Variants in PDSS2 observed in about 807,000 individuals in gnomAD.
PDSS2 encodes all trans-polyprenyl-diphosphate synthase PDSS2.
A neutral mutation model predicts 44.5 loss-of-function variants in PDSS2; 31 were observed. The ratio of observed to expected loss-of-function variants is 0.70; its 90% CI spans 0.52 to 0.94. The LOEUF is 0.94. Ranked by LOEUF, PDSS2 falls within the 40% of genes least tolerant of loss-of-function variation. The probability of loss-of-function intolerance (pLI) is 0.00; values close to 1 mark genes in which losing one functional copy is unlikely to be tolerated. For synonymous variants in PDSS2, 157 were observed against 180.3 expected (o/e 0.87, Z 1.03); for missense variants, 452 against 482.2 (o/e 0.94, Z 0.59).
chr6:107,357,168 A>G (rs1778619278), intron 1 of PDSS2, among the ~76,000 whole-genome samples: 1 of 152,188 alleles, frequency 6.6e-6, no homozygotes, highest in Admixed American at 6.5e-5. Flanking sequence ...GCTAGGACAC[A>G]GCATCACAGG....
chr6:107,267,481 G>A (rs1019570293), intron 3 of PDSS2, among the ~76,000 whole-genome samples: 14 of 152,110 alleles, frequency 9.2e-5, no homozygotes, highest in African/African-American at 3.4e-4. Context: ...GAATTCCAGT[G>A]AAGGAGAGAA....
At chr6:107,432,022 A>G (rs1196874460) in intron 1 of PDSS2, among the ~76,000 whole-genome samples, 1 of 152,250 alleles carries the variant, frequency 6.6e-6, no homozygotes, top group Admixed American at 6.5e-5. Flanking sequence ...TGCTCTTTAT[A>G]GAATATTATG....
At chr6:107,368,288 T>C (rs1312550148) in intron 1 of PDSS2, among the ~76,000 whole-genome samples, 2 of 151,418 alleles carry the variant, frequency 1.3e-5, no homozygotes, top group African/African-American at 4.9e-5. Context: ...AAAAAACTAT[T>C]GTATTTCTAT....
chr6:107,360,912 T>G (rs926814648), intron 1 of PDSS2, among the ~76,000 whole-genome samples: 10 of 152,342 alleles, frequency 6.6e-5, no homozygotes, highest in Non-Finnish European at 1.3e-4. Context: ...GAACAGCATT[T>G]TATGGTACAT....
chr6:107,407,403 C>G (rs1159026607), intron 1 of PDSS2, among the ~76,000 whole-genome samples: 1 of 152,002 alleles, frequency 6.6e-6, no homozygotes, highest in Non-Finnish European at 1.5e-5. Context: ...GCCAGTGAAC[C>G]ATACATATAA....
rs190567908 is a variant in PDSS2 at position 107,201,804 on chromosome 6, T to G, written c.1009-7950A>C. 6.8e-4 allele frequency among the ~76,000 whole-genome samples: 103 copies of G among 152,310 alleles called. 1 individual carries two copies. The highest frequency in any genetic ancestry group is 1.9e-3 in the East Asian group (10 of 5,188). ...ACTGCCATTTTTAAAGATTTCCTTTTTAAATCTTCAAGGAAAACTACCTTC... is the reference window on the plus strand; with the variant it reads ...ACTGCCATTTTTAAAGATTTCCTTTGTAAATCTTCAAGGAAAACTACCTTC... On this transcript the variant is annotated intron_variant, in intron 6 of 7. Transcript: ENST00000369037.
chr6:107,339,001 G>A, intron 1 of PDSS2, among the ~76,000 whole-genome samples: 1 of 152,088 alleles, frequency 6.6e-6, no homozygotes, highest in African/African-American at 2.4e-5. Context: ...TGGGATTACA[G>A]GGGCGAACCA....
intron 1 of PDSS2, among the ~76,000 whole-genome samples, chr6:107,402,324 T>C (rs1246369945): frequency 1.4e-5 from 2 of 147,232 alleles, no homozygotes; most frequent in Non-Finnish European, 3.0e-5. Context: ...CAAAAAAGAA[T>C]GGACAAAGCC....
chr6:107,434,507 C>A (rs1781289286), intron 1 of PDSS2, among the ~76,000 whole-genome samples: 1 of 152,156 alleles, frequency 6.6e-6, no homozygotes, highest in African/African-American at 2.4e-5. Context: ...GCCAGAAAGA[C>A]AAACTTCACA....
At chr6:107,178,256 C>T (rs143279436) in intron 7 of PDSS2, among the ~76,000 whole-genome samples, 128 of 152,260 alleles carry the variant, frequency 8.4e-4, no homozygotes, top group African/African-American at 3.1e-3. Context: ...GCTTCAGCCA[C>T]GTCTTCTAGG....
In PDSS2 at chr6:107,413,838, T is replaced by C. The variant is rs139323655; in HGVS notation, c.296+45152A>G. ...GTTCTTCAGGAATGTAAAGAGTGGATTGAAAAGAGGATAGGTAGGTGAGGT... is the reference window on the plus strand; with the variant it reads ...GTTCTTCAGGAATGTAAAGAGTGGACTGAAAAGAGGATAGGTAGGTGAGGT... On this transcript the variant is annotated intron_variant, in intron 1 of 7. Coordinates refer to ENST00000369037, the MANE Select transcript of PDSS2 (RefSeq NM_020381.4). Among the ~76,000 whole-genome samples the C allele has an allele frequency of 7.0e-4, 106 of 152,196 alleles. No individual in the cohort carries two copies. In the East Asian group the frequency reaches 0.011, roughly 16 times the overall value.
intron 4 of PDSS2, among the ~76,000 whole-genome samples, chr6:107,242,417 CTGTGCCCGCCTA>C (rs1396803258): frequency 6.6e-6 from 1 of 152,148 alleles, no homozygotes; most frequent in African/African-American, 2.4e-5. Flanking sequence ...GCGCCCGCCA[CTGTGCCCGCCTA>C]ATTTTTTTAT....
At chr6:107,235,386 T>A (rs1200527973) in intron 4 of PDSS2, among the ~76,000 whole-genome samples, 1 of 152,172 alleles carries the variant, frequency 6.6e-6, no homozygotes, top group East Asian at 1.9e-4. Flanking sequence ...CTGGGAATAA[T>A]TCCTGTTCCA....
chr6:107,245,607 A>C lies in PDSS2; in HGVS notation c.643T>G (p.Leu215Val). The change falls in exon 4 of 8, where the codon TTA becomes GTA. Residue 215 changes from leucine (L) to valine (V), a missense_variant. Transcript: ENST00000369037. ...LLQNTKVVELLASALMDLVQG... is the reference protein window; with the variant it reads ...LLQNTKVVELVASALMDLVQG... ...ACCAAGTCCATAAGAGCACTTGCTAAAAGTTCCACAACCTAAAAAGCAAGA... is the reference window on the plus strand; with the variant it reads ...ACCAAGTCCATAAGAGCACTTGCTACAAGTTCCACAACCTAAAAAGCAAGA... 1 of 1,583,716 alleles carries C rather than the reference A, an allele frequency of 6.3e-7. No individual in the cohort carries two copies. Among genetic ancestry groups the C allele is most frequent in the South Asian group, 1.1e-5 (1 of 87,026 alleles).
chr6:107,208,798 C>T (rs9386624), intron 6 of PDSS2, among the ~76,000 whole-genome samples: 35,645 of 151,736 alleles, frequency 0.23, 5,125 homozygotes, highest in East Asian at 0.49. Flanking sequence ...TGACCTCAGG[C>T]GATCCACTTG....
chr6:107,355,938 TC>T (rs1293777459), intron 1 of PDSS2, among the ~76,000 whole-genome samples: 1 of 152,220 alleles, frequency 6.6e-6, no homozygotes, highest in African/African-American at 2.4e-5. Flanking sequence ...TTTCTCTTTA[TC>T]CCTGATGAGG....
chr6:107,316,476 T>C (rs1298006022), intron 2 of PDSS2, among the ~76,000 whole-genome samples: 18 of 152,226 alleles, frequency 1.2e-4, no homozygotes, highest in Admixed American at 1.1e-3. Context: ...AATGCCATTA[T>C]ATTCTAGTAC....
At chr6:107,211,135 A>G (rs1358363271) in intron 5 of PDSS2, among the ~76,000 whole-genome samples, 1 of 152,124 alleles carries the variant, frequency 6.6e-6, no homozygotes, top group Non-Finnish European at 1.5e-5. Context: ...ATAAAGATTT[A>G]ATAAATAGAA....
chr6:107,286,370 T>C (rs1776151724), intron 2 of PDSS2, among the ~76,000 whole-genome samples: 1 of 145,770 alleles, frequency 6.9e-6, no homozygotes, highest in African/African-American at 2.5e-5. Flanking sequence ...ATTTGCTGAT[T>C]GTGGTGGCGG....
Sources: allele counts gnomAD v4.1 joint callset (sites outside exome capture counted in the v4.1 genomes callset), GRCh38; gene constraint gnomAD v4.1.1; transcripts MANE v1.5; gene names NCBI Gene and HGNC (gene_info 2026-07-23, HGNC 2026-07-21).